Variants in INO80 observed in about 807,000 individuals in gnomAD.
INO80 encodes chromatin-remodeling ATPase INO80.
In INO80, 20 loss-of-function variants were observed where a neutral mutation model predicts 203.4. The observed-to-expected ratio is 0.10, with a 90% CI of 0.07 to 0.14. INO80 has a LOEUF of 0.14. Ranked by LOEUF, INO80 falls within the 10% of genes least tolerant of loss-of-function variation. The pLI, the probability that INO80 is intolerant of heterozygous loss-of-function variation, is 1.00. For missense variants in INO80, 1,419 were observed against 1,914.4 expected (o/e 0.74, Z 4.83); for synonymous variants, 726 against 685.2 (o/e 1.06, Z -0.93).
In INO80 at chr15:40,997,681, T is replaced by C. The variant is rs541359100; in HGVS notation, c.3498-80A>G. 10 of 888,096 alleles carry C rather than the reference T, an allele frequency of 1.1e-5. No homozygotes were observed. The East Asian group carries it at 2.5e-4, about 22-fold the overall frequency. 55.0% of individuals were successfully genotyped at this position (888,096 alleles called of 1,614,324 possible). On this transcript the variant is annotated intron_variant, in intron 28 of 35. Coordinates refer to ENST00000648947, the MANE Select transcript of INO80 (RefSeq NM_017553.3). ...GTATCAATAGAGAGAGATCTCTGAA[T>C]ACAGAACATAAAGTCTAGGACTAAA... is the stretch of plus-strand genomic sequence containing the variant.
At chr15:41,106,875 G>A (rs2045887722) in intron 1 of INO80, among the ~76,000 whole-genome samples, 1 of 152,166 alleles carries the variant, frequency 6.6e-6, no homozygotes, top group Admixed American at 6.5e-5. Context: ...CTCCAACAGT[G>A]AAAAGCCTGC....
intron 28 of INO80, among the ~76,000 whole-genome samples, chr15:40,999,033 G>C (rs944175330): frequency 1.5e-5 from 2 of 132,522 alleles, no homozygotes. Flanking sequence ...TAAGGGCTCA[G>C]TTTGGTGCTT....
chr15:40,983,496 T>C (rs983991239), intron 34 of INO80, among the ~76,000 whole-genome samples: 1 of 152,048 alleles, frequency 6.6e-6, no homozygotes, highest in Admixed American at 6.5e-5. Flanking sequence ...CACAGCAAAG[T>C]GAGGAAAGGC....
intron 1 of INO80, among the ~76,000 whole-genome samples, chr15:41,113,558 G>A (rs113937197): frequency 0.044 from 6,665 of 152,216 alleles, 435 homozygotes; most frequent in African/African-American, 0.13. Flanking sequence ...GTGAGCCACC[G>A]CACCCGGCCA....
At chr15:41,104,161 C>T (rs972211198) in intron 1 of INO80, among the ~76,000 whole-genome samples, 17 of 130,108 alleles carry the variant, frequency 1.3e-4, no homozygotes, top group Admixed American at 1.9e-4. Context: ...GCAGAGGTTG[C>T]GGTCACTGCA....
At chr15:40,994,003 G>A (rs913877652) in intron 29 of INO80, among the ~76,000 whole-genome samples, 3 of 151,922 alleles carry the variant, frequency 2.0e-5, no homozygotes, top group African/African-American at 7.3e-5. Flanking sequence ...TCTTGCAATC[G>A]CTCCCCATCT....
At chr15:40,997,209 T>C (rs948539890) in intron 29 of INO80, among the ~76,000 whole-genome samples, 7 of 151,620 alleles carry the variant, frequency 4.6e-5, no homozygotes, top group Non-Finnish European at 8.8e-5. Context: ...GCTGGGGAGG[T>C]TGAAGCTACA....
rs927886014 is a variant in INO80, at chr15:40,980,101, C to T, written c.*122G>A. 2.2e-5 allele frequency: 18 copies of T among 813,410 alleles called. No homozygotes were observed. The African/African-American group carries it at 2.7e-4, about 12-fold the overall frequency. 50.4% of individuals were successfully genotyped at this position (813,410 alleles called of 1,614,324 possible). On this transcript the variant is annotated 3_prime_UTR_variant, in exon 36 of 36. Transcript: ENST00000648947. ...CATCCACCTGCCTGTCCTTCCCCTG[C>T]TGGACATTTCCACTTCTGACTCAGG...
intron 5 of INO80, among the ~76,000 whole-genome samples, chr15:41,090,944 A>AG (rs1284519572): frequency 2.9e-5 from 3 of 103,018 alleles, no homozygotes; most frequent in Non-Finnish European, 5.2e-5. Flanking sequence ...TTTTTTTTTG[A>AG]GATGAAGTCT....
At chr15:41,033,336 A>T (rs1016845155) in intron 24 of INO80, among the ~76,000 whole-genome samples, 1 of 149,448 alleles carries the variant, frequency 6.7e-6, no homozygotes, top group East Asian at 1.9e-4. Context: ...CCTGAATCAG[A>T]ATTTTTTTTT....
intron 24 of INO80, among the ~76,000 whole-genome samples, chr15:41,039,168 C>T (rs2044629537): frequency 1.3e-5 from 2 of 152,176 alleles, no homozygotes; most frequent in African/African-American, 4.8e-5. Context: ...ATTAGAGACA[C>T]AGTCTCACTA....
intron 24 of INO80, among the ~76,000 whole-genome samples, chr15:41,041,599 C>T (rs2013359): frequency 6.6e-6 from 1 of 151,658 alleles, no homozygotes; most frequent in Non-Finnish European, 1.5e-5. Flanking sequence ...CACCGCCACG[C>T]CCAGCTAATT....
intron 11 of INO80, among the ~76,000 whole-genome samples, chr15:41,073,076 G>A (rs964918917): frequency 2.0e-5 from 3 of 151,968 alleles, no homozygotes; most frequent in Non-Finnish European, 4.4e-5. Context: ...ACCACGCCCG[G>A]TGAGTATGGT....
At chr15:41,076,148 G>C (rs1234322362) in intron 9 of INO80, among the ~76,000 whole-genome samples, 1 of 152,020 alleles carries the variant, frequency 6.6e-6, no homozygotes, top group East Asian at 1.9e-4. Flanking sequence ...ATCACCTGAG[G>C]TCAGGAGTTC....
At chr15:41,061,450 CAA>C (rs980593225) in intron 14 of INO80, among the ~76,000 whole-genome samples, 10 of 66,930 alleles carry the variant, frequency 1.5e-4, no homozygotes, top group East Asian at 5.3e-4. Flanking sequence ...ACCAAAAATA[CAA>C]AAAAAAAAAA....
chr15:41,026,040 A>G (rs2044370166), intron 25 of INO80, among the ~76,000 whole-genome samples: 1 of 151,402 alleles, frequency 6.6e-6, no homozygotes, highest in Non-Finnish European at 1.5e-5. Context: ...TATAAACCAA[A>G]CAAAGTTGAT....
intron 6 of INO80, among the ~76,000 whole-genome samples, chr15:41,085,791 GA>G (rs1236491155): frequency 6.6e-6 from 1 of 152,176 alleles, no homozygotes; most frequent in Non-Finnish European, 1.5e-5. Context: ...CACTAACCTG[GA>G]AAAGAACACT....
intron 14 of INO80, among the ~76,000 whole-genome samples, chr15:41,064,220 T>C (rs772543287): frequency 1.2e-4 from 18 of 152,158 alleles, no homozygotes; most frequent in Non-Finnish European, 1.6e-4. Flanking sequence ...AAAGGACATA[T>C]AAACACTGAC....
Position 41,054,164 on chromosome 15 carries a change from G to A in INO80, c.2189-150C>T, listed in dbSNP as rs995917118. The A allele has an allele frequency of 1.0e-5, 6 of 591,274 alleles. No homozygotes were observed. The Admixed American group carries it at 1.8e-4, about 18-fold the overall frequency. The allele number at this position is 591,274 out of a possible 1,614,324, so 36.6% of individuals were successfully genotyped here. A position where few individuals can be genotyped will look rare whatever the true frequency, so the allele number is the denominator to read the frequency against. ...GCAGACTGAAACTTTTTCCCAAGTA[G>A]GAAAGCAAGGAATTTTAATTTTTTA... On this transcript the variant is annotated intron_variant, in intron 18 of 35. Coordinates refer to ENST00000648947, the MANE Select transcript of INO80 (RefSeq NM_017553.3).
Sources: gnomAD v4.1 joint callset for allele counts (sites outside exome capture counted in the v4.1 genomes callset) on GRCh38, gnomAD v4.1.1 for gene constraint, MANE v1.5 for transcripts, NCBI Gene and HGNC (gene_info 2026-07-23, HGNC 2026-07-21) for gene names.